Variants in NPAS1 observed in about 807,000 individuals in gnomAD.
NPAS1 encodes the protein neuronal PAS domain protein 1, also known as neuronal PAS domain-containing protein 1.
NPAS1 carries 29 observed loss-of-function variants against 49.2 expected under a neutral mutation model. That is an observed-to-expected ratio of 0.59 (90% CI 0.44 to 0.80). NPAS1 has a LOEUF of 0.80. NPAS1 is among the 30% of genes least tolerant of loss of function. The probability of loss-of-function intolerance (pLI) is 0.00; values close to 1 mark genes in which losing one functional copy is unlikely to be tolerated. For synonymous variants in NPAS1, 408 were observed against 380.4 expected, an observed-to-expected ratio of 1.07 and a Z score of -0.84; for missense variants, 825 against 835.5, an observed-to-expected ratio of 0.99 and a Z score of 0.15.
At chr19:47,022,046 A>G (rs2056845706) in intron 3 of NPAS1, among the ~76,000 whole-genome samples, 199 bp downstream of exon 3, 1 of 152,232 alleles carries the variant, frequency 6.6e-6, no homozygotes, top group Admixed American at 6.5e-5. Context: ...GAGGTTGGGA[A>G]GATTTCGTGA....
At position 47,035,965 on chromosome 19, in the gene NPAS1, T is replaced by C; in HGVS notation, c.524T>C (p.Val175Ala). Reference sequence around the variant, plus strand: ...TGCATTCCCCTCCTTCGCCGGCAGGTGGAGATGACGGGCAGCAGCGTCTTC... The same window carrying C: ...TGCATTCCCCTCCTTCGCCGGCAGGCGGAGATGACGGGCAGCAGCGTCTTC... Reference protein sequence around the residue: ...TVSIYLGLSQVEMTGSSVFDY... With the variant: ...TVSIYLGLSQAEMTGSSVFDY... The change falls in exon 6 of 12, where the codon GTG (valine) becomes GCG (alanine). Residue 175 changes from valine (V) to alanine (A), a missense_variant and splice_region_variant. Val to Ala is a moderately conservative substitution (Grantham distance 64). Transcript: ENST00000602212. The C allele has an allele frequency of 6.6e-7, 1 of 1,517,022 alleles. No individual in the cohort carries two copies. Among genetic ancestry groups the C allele is most frequent in the Non-Finnish European group, 8.8e-7 (1 of 1,134,032 alleles). 94.0% of individuals were successfully genotyped at this position (1,517,022 alleles called of 1,614,324 possible).
intron 11 of NPAS1, among the ~76,000 whole-genome samples, chr19:47,043,619 T>C (rs936723137): frequency 1.3e-5 from 2 of 151,916 alleles, no homozygotes; most frequent in African/African-American, 2.4e-5. Flanking sequence ...TAGCTGGGCA[T>C]GGTGGCACGT....
intron 3 of NPAS1, among the ~76,000 whole-genome samples, chr19:47,030,756 G>A (rs1216294121): frequency 2.1e-5 from 3 of 145,710 alleles, no homozygotes; most frequent in Non-Finnish European, 4.5e-5. Context: ...GGGTTCAAGC[G>A]ATTTATCCTG....
rs150309227 is a variant in NPAS1 at position 47,021,199 on chromosome 19, G to GC, written c.122+30_122+31insC. 7 of 1,495,958 alleles carry GC rather than the reference G, an allele frequency of 4.7e-6. No individual in the cohort carries two copies. In the East Asian group the frequency reaches 7.6e-5, roughly 16 times the overall value. The allele number at this position is 1,495,958 out of a possible 1,614,324, so 92.7% of individuals were successfully genotyped here. On this transcript the variant is annotated intron_variant, in intron 2 of 11. Coordinates refer to ENST00000602212, the MANE Select transcript of NPAS1 (RefSeq NM_002517.4). This position sits in a 1 kb window ranked among gnomAD's most constrained non-coding sequence, Gnocchi z 5.7. ...GCAAAGCCCCGCCCCCCTGGCCGCG[G>GC]GCCCCCCCCCGGGTCCAATTCACAC...
At position 47,021,717 on chromosome 19, in the gene NPAS1, C is replaced by T; in HGVS notation, c.228C>T (p.Gly76=). ...FELAKLLPLP[G]AISSQLDKAS... is the part of the protein sequence containing the mutation. ...TGGCCAAGCTTCTCCCGCTGCCCGG[C>T]GCCATCTCCAGCCAGCTGGACAAGG... The change falls in exon 3 of 12, where the codon GGC becomes GGT. Residue 76 remains glycine, a synonymous_variant. Coordinates refer to ENST00000602212, the MANE Select transcript of NPAS1 (RefSeq NM_002517.4). The surrounding 1 kb of genome is among the most constrained non-coding windows in gnomAD (Gnocchi z 5.7). The T allele has an allele frequency of 6.4e-7, 1 of 1,553,602 alleles. No homozygotes were observed. Among genetic ancestry groups the T allele is most frequent in the Non-Finnish European group, 8.7e-7 (1 of 1,149,994 alleles).
In NPAS1 at chr19:47,040,430, C is replaced by A. The variant is rs2057005389; in HGVS notation, c.963-14C>A. 8 of 1,564,210 alleles carry A rather than the reference C, an allele frequency of 5.1e-6. No homozygotes were observed. Among genetic ancestry groups the A allele is most frequent in the Non-Finnish European group, 6.9e-6 (8 of 1,151,382 alleles). ...TGGTCTTGGACTCCTCCCCTCTTCT[C>A]TGTCACCCCCCAGAGTCAGCGACCA... On this transcript the variant is annotated splice_polypyrimidine_tract_variant and intron_variant, in intron 8 of 11. Transcript: ENST00000602212.
At chr19:47,026,757 C>T (rs1484965986) in intron 3 of NPAS1, among the ~76,000 whole-genome samples, 1 of 152,136 alleles carries the variant, frequency 6.6e-6, no homozygotes. Context: ...GAGTTCAAGA[C>T]AAGCCTGACC....
At chr19:47,038,804 C>G (rs1568508016) in intron 6 of NPAS1, among the ~76,000 whole-genome samples, 1 of 151,790 alleles carries the variant, frequency 6.6e-6, no homozygotes, top group Non-Finnish European at 1.5e-5. Flanking sequence ...CCAGCCTGGA[C>G]AACAGAGTGA....
Position 47,021,648 on chromosome 19 carries a change from G to T in NPAS1, c.159G>T (p.Ala53=). ...QAQRKEKSRN[A]ARSRRGKENL... ...AGCGCAAGGAGAAGTCCCGGAACGC[G>T]GCGCGCTCGCGGCGCGGGAAGGAGA... The change falls in exon 3 of 12, where the codon GCG becomes GCT. Residue 53 remains alanine (A), a synonymous_variant. Transcript: ENST00000602212. The surrounding 1 kb of genome is among the most constrained non-coding windows in gnomAD (Gnocchi z 5.7). The T allele has an allele frequency of 1.3e-6, 2 of 1,551,724 alleles. No individual in the cohort carries two copies. The highest frequency in any genetic ancestry group is 2.5e-5 in the East Asian group (1 of 40,606).
intron 8 of NPAS1, among the ~76,000 whole-genome samples, chr19:47,040,148 A>G (rs2057002983): frequency 1.3e-5 from 2 of 151,988 alleles, no homozygotes; most frequent in South Asian, 4.1e-4. Context: ...TCAGCCTCTC[A>G]AGTAGCTGGG....
chr19:47,029,042 A>T (rs1200267755), intron 3 of NPAS1, among the ~76,000 whole-genome samples: 32 of 144,266 alleles, frequency 2.2e-4, no homozygotes, highest in South Asian at 4.4e-4. Context: ...CTCCATGTCT[A>T]TTTTTTTTTT....
chr19:47,036,036 G>A lies in NPAS1; in HGVS notation c.595G>A (p.Gly199Arg). 1 of 1,605,674 alleles carries A rather than the reference G, an allele frequency of 6.2e-7. No individual in the cohort carries two copies. Among genetic ancestry groups the A allele is most frequent in the South Asian group, 1.1e-5 (1 of 89,800 alleles). Residue 199 changes from glycine to arginine, a missense_variant, in exon 6 of 12, where the codon GGG (glycine) becomes AGG (arginine). Coordinates refer to ENST00000602212, the MANE Select transcript of NPAS1 (RefSeq NM_002517.4). Reference protein sequence around the residue: ...GDHSEVLEQLGLRTPTPGPPT... With the variant: ...GDHSEVLEQLRLRTPTPGPPT... ...CCACTCAGAGGTGCTGGAGCAACTGGGGCTGCGGACGCCGACGCCCGGCCC... is the reference window on the plus strand; with the variant it reads ...CCACTCAGAGGTGCTGGAGCAACTGAGGCTGCGGACGCCGACGCCCGGCCC...
In NPAS1 at chr19:47,024,889, A is replaced by C. The variant is rs573915555; in HGVS notation, c.358+3042A>C. ...CAGTGTTGCAATCTCTGCTCACTGC[A>C]ATCTCCGCCTCCTGGGTTCAAGCAA... On this transcript the variant is annotated intron_variant, in intron 3 of 11. Transcript: ENST00000602212. 1.5e-4 allele frequency among the ~76,000 whole-genome samples: 21 copies of C among 137,432 alleles called. 1 individual carries two copies. In the South Asian group the frequency reaches 2.9e-3, roughly 19 times the overall value. 90.2% of individuals were successfully genotyped at this position (137,432 alleles called of 152,430 possible).
chr19:47,033,521 G>A (rs1041439420), intron 5 of NPAS1, among the ~76,000 whole-genome samples: 17 of 152,082 alleles, frequency 1.1e-4, no homozygotes, highest in African/African-American at 2.9e-4. Context: ...GGATTACAGC[G>A]TGAGCCACCG....
At chr19:47,038,933 A>G in intron 6 of NPAS1, 103 bp from the exon 7 acceptor site, 2 of 955,498 alleles carry the variant, frequency 2.1e-6, no homozygotes, top group Non-Finnish European at 3.4e-6. Context: ...GCCGTGGCCC[A>G]GCGGACATCT....
At chr19:47,040,755 G>A (rs932591215) in intron 9 of NPAS1, 5 of 599,180 alleles carry the variant, frequency 8.3e-6, no homozygotes, top group Admixed American at 6.1e-5. Flanking sequence ...GGGGTCTGGG[G>A]GGCTGTGGGG....
At chr19:47,033,685 C>T (rs183747612) in intron 5 of NPAS1, among the ~76,000 whole-genome samples, 57 of 152,190 alleles carry the variant, frequency 3.7e-4, no homozygotes, top group African/African-American at 1.3e-3. Context: ...AGGCCACCCA[C>T]GCTGGCTCAT....
intron 10 of NPAS1, among the ~76,000 whole-genome samples, chr19:47,042,265 T>A (rs921118654): frequency 2.6e-5 from 4 of 151,850 alleles, no homozygotes; most frequent in African/African-American, 9.7e-5. Flanking sequence ...GCCAAGATCA[T>A]GCCACTGCAC....
At chr19:47,038,052 C>G (rs1389481490) in intron 6 of NPAS1, among the ~76,000 whole-genome samples, 1 of 152,146 alleles carries the variant, frequency 6.6e-6, no homozygotes, top group Admixed American at 6.5e-5. Flanking sequence ...ATAGGGGAAC[C>G]CAGAGGGGAT....
Sources: allele counts gnomAD v4.1 joint callset (sites outside exome capture counted in the v4.1 genomes callset), GRCh38; gene constraint gnomAD v4.1.1; non-coding constraint Gnocchi (gnomAD v3.1); transcripts MANE v1.5; gene names NCBI Gene and HGNC (gene_info 2026-07-23, HGNC 2026-07-21).